Variants in UNC13C observed in about 807,000 individuals in gnomAD.
The protein encoded by UNC13C is unc-13 homolog C.
A neutral mutation model predicts 245.4 loss-of-function variants in UNC13C; 174 were observed. The observed-to-expected ratio is 0.71, with a 90% CI of 0.63 to 0.80. The LOEUF is 0.80. UNC13C is among the 30% of genes least tolerant of loss of function. The probability of loss-of-function intolerance (pLI) is 0.00; values close to 1 mark genes in which losing one functional copy is unlikely to be tolerated. For synonymous variants in UNC13C, 992 were observed against 895.1 expected (o/e 1.11, Z -1.93); for missense variants, 2,829 against 2,602.9 (o/e 1.09, Z -1.89).
the UNC13C span, among the ~76,000 whole-genome samples, chr15:53,865,744 A>G: frequency 4.5e-4 from 69 of 152,156 alleles, 1 homozygote; most frequent in East Asian, 0.012. Flanking sequence ...AAAATCATAC[A>G]CTGTATTTTA....
chr15:54,483,431 G>T (rs11071083), intron 19 of UNC13C, among the ~76,000 whole-genome samples: 62,620 of 151,848 alleles, frequency 0.41, 13,170 homozygotes, highest in East Asian at 0.62. Flanking sequence ...TAATCCAGAT[G>T]ATTATTTAGA....
the UNC13C span, among the ~76,000 whole-genome samples, chr15:53,844,628 A>G: frequency 4.8e-4 from 73 of 152,208 alleles, no homozygotes; most frequent in African/African-American, 1.7e-3. Flanking sequence ...GGTTCTTGAG[A>G]ATGACATTTT....
the UNC13C span, among the ~76,000 whole-genome samples, chr15:53,837,736 G>A: frequency 6.6e-6 from 1 of 152,148 alleles, no homozygotes; most frequent in Non-Finnish European, 1.5e-5. Flanking sequence ...GATTTCTTGT[G>A]TGTAGTATGA....
At chr15:54,092,196 A>G (rs1899610854) in intron 2 of UNC13C, among the ~76,000 whole-genome samples, 1 of 152,170 alleles carries the variant, frequency 6.6e-6, no homozygotes, top group South Asian at 2.1e-4. Context: ...CACAGTGTAG[A>G]ATTATATATG....
chr15:54,050,366 ACTC>A (rs1349975987), intron 2 of UNC13C: 25 of 559,780 alleles, frequency 4.5e-5, no homozygotes, highest in South Asian at 2.3e-4. Context: ...CTCAGAAGGC[ACTC>A]CTCCTTTTTC....
chr15:54,060,021 A>G (rs968100985), intron 2 of UNC13C, among the ~76,000 whole-genome samples: 11 of 152,252 alleles, frequency 7.2e-5, no homozygotes, highest in Non-Finnish European at 1.6e-4. Flanking sequence ...ACCCTAGAAG[A>G]AAACCTAGGC....
chr15:54,171,236 C>A (rs1009424869), intron 4 of UNC13C, among the ~76,000 whole-genome samples: 1 of 151,992 alleles, frequency 6.6e-6, no homozygotes, highest in Non-Finnish European at 1.5e-5. Context: ...GCAACCAATG[C>A]AAAAATGGAC....
intron 2 of UNC13C, among the ~76,000 whole-genome samples, chr15:54,101,061 A>T (rs1216039396): frequency 6.6e-6 from 1 of 152,082 alleles, no homozygotes; most frequent in Admixed American, 6.6e-5. Flanking sequence ...ATTTCATTGG[A>T]TTTGTTTAAT....
At chr15:54,062,689 G>C (rs997528835) in intron 2 of UNC13C, among the ~76,000 whole-genome samples, 3 of 152,162 alleles carry the variant, frequency 2.0e-5, no homozygotes, top group Admixed American at 1.3e-4. Context: ...GAGCTTGATA[G>C]TCATGCAAAA....
chr15:54,068,274 T>C (rs770345504), intron 2 of UNC13C, among the ~76,000 whole-genome samples: 2 of 152,202 alleles, frequency 1.3e-5, no homozygotes, highest in African/African-American at 2.4e-5. Context: ...TTGTTCCATT[T>C]AGAGATGAAG....
At chr15:54,573,233 T>A (rs1897832103) in intron 30 of UNC13C, among the ~76,000 whole-genome samples, 1 of 152,214 alleles carries the variant, frequency 6.6e-6, no homozygotes. Flanking sequence ...CCTATTTTTG[T>A]ACTCCTTTCC....
intron 2 of UNC13C, among the ~76,000 whole-genome samples, chr15:54,025,200 C>T (rs1896059649): frequency 6.6e-6 from 1 of 152,182 alleles, no homozygotes; most frequent in Admixed American, 6.5e-5. Context: ...TCAACATATC[C>T]TTCATTTTCT....
At chr15:54,545,017 T>G (rs1896422346) in intron 26 of UNC13C, among the ~76,000 whole-genome samples, 1 of 152,150 alleles carries the variant, frequency 6.6e-6, no homozygotes, top group Non-Finnish European at 1.5e-5. Context: ...AGAACACAGC[T>G]GGAGGCATCA....
At chr15:54,088,399 A>G (rs1235825561) in intron 2 of UNC13C, among the ~76,000 whole-genome samples, 1 of 152,056 alleles carries the variant, frequency 6.6e-6, no homozygotes. Context: ...TATTTGGACC[A>G]TGAAGGGAGA....
In UNC13C at chr15:54,331,937, T is replaced by C. The variant is rs1240251429; in HGVS notation, c.4426-106T>C. ...TGATCTTGGACAAGTCATTGATATA[T>C]TTGATCCTTCCTTTCTATAAAATAG... is the stretch of plus-strand genomic sequence containing the variant. On this transcript the variant is annotated intron_variant, in intron 14 of 32. Transcript: ENST00000260323. 4.4e-6 allele frequency: 3 copies of C among 687,034 alleles called. No homozygotes were observed. The Admixed American group carries it at 1.0e-4, about 24-fold the overall frequency. 42.6% of individuals were successfully genotyped at this position (687,034 alleles called of 1,614,324 possible).
chr15:53,926,062 G>A, the UNC13C span, among the ~76,000 whole-genome samples: 1 of 151,918 alleles, frequency 6.6e-6, no homozygotes, highest in African/African-American at 2.4e-5. Flanking sequence ...AATGCATTTG[G>A]CCAGGAGCAA....
intron 16 of UNC13C, among the ~76,000 whole-genome samples, chr15:54,335,029 A>G (rs1168453787): frequency 6.6e-6 from 1 of 152,150 alleles, no homozygotes; most frequent in Non-Finnish European, 1.5e-5. Context: ...AGCTCCAATC[A>G]CATACTCCCA....
At chr15:54,021,167 T>C (rs1160541669) in intron 2 of UNC13C, among the ~76,000 whole-genome samples, 2 of 152,166 alleles carry the variant, frequency 1.3e-5, no homozygotes, top group South Asian at 2.1e-4. Flanking sequence ...ATCCATCACC[T>C]TACATATTTT....
At chr15:54,136,251 C>T (rs2031724261) in intron 2 of UNC13C, among the ~76,000 whole-genome samples, 1 of 152,178 alleles carries the variant, frequency 6.6e-6, no homozygotes, top group Non-Finnish European at 1.5e-5. Flanking sequence ...GATCTTCCCA[C>T]ATCAATCTCC....
Sources: allele counts gnomAD v4.1 joint callset (sites outside exome capture counted in the v4.1 genomes callset), GRCh38; gene constraint gnomAD v4.1.1; transcripts MANE v1.5; gene names NCBI Gene and HGNC (gene_info 2026-07-23, HGNC 2026-07-21).